Variants in C4orf50 observed in about 807,000 individuals in gnomAD.
C4orf50 encodes uncharacterized protein C4orf50.
Under a neutral mutation model 77.2 loss-of-function variants are expected in C4orf50, and 80 were observed. The observed-to-expected ratio is 1.04, with a 90% CI of 0.87 to 1.25. C4orf50 has a LOEUF of 1.25. C4orf50 is among the 50% of genes most tolerant of loss of function. C4orf50 has a pLI of 0.00. For synonymous variants in C4orf50, 532 were observed against 465.3 expected, an observed-to-expected ratio of 1.14 and a Z score of -1.84; for missense variants, 1,257 against 1,152.9, an observed-to-expected ratio of 1.09 and a Z score of -1.31.
intron 29 of C4orf50, among the ~76,000 whole-genome samples, chr4:5,976,507 G>A (rs1406444118): frequency 1.3e-5 from 2 of 151,336 alleles, no homozygotes; most frequent in Non-Finnish European, 2.9e-5. Flanking sequence ...CAGCTGCAGT[G>A]GCTGGGGCCA....
intron 25 of C4orf50, among the ~76,000 whole-genome samples, chr4:5,995,876 G>T (rs73196039): frequency 0.16 from 24,988 of 152,144 alleles, 2,324 homozygotes; most frequent in Non-Finnish European, 0.21. Context: ...AGTGAACAGG[G>T]AAGTGCCCTG....
chr4:5,969,896 C>T (rs545305103), intron 31 of C4orf50, among the ~76,000 whole-genome samples: 49 of 152,204 alleles, frequency 3.2e-4, no homozygotes, highest in Admixed American at 9.8e-4. Context: ...TGTTCTCTGA[C>T]GGGACCTTCC....
intron 7 of C4orf50, among the ~76,000 whole-genome samples, chr4:5,915,799 C>T (rs1717004338): frequency 1.3e-5 from 2 of 152,222 alleles, no homozygotes; most frequent in South Asian, 4.1e-4. Context: ...GCCTGACTCA[C>T]TCTTCCATCA....
intron 7 of C4orf50, among the ~76,000 whole-genome samples, chr4:5,923,846 T>C (rs1717393267): frequency 6.6e-6 from 1 of 152,124 alleles, no homozygotes; most frequent in African/African-American, 2.4e-5. Flanking sequence ...TTTGAGTCAG[T>C]GGGCTGGGAG....
In C4orf50 at chr4:5,989,519, G is replaced by A. The variant is rs774483182; in HGVS notation, c.2527C>T (p.Gln843Ter). The change falls in exon 28 of 34, where the codon CAG (glutamine) becomes TAG (stop). Residue 843 changes from glutamine (Q) to a stop codon, truncating the protein, a stop_gained. Coordinates refer to ENST00000531445, the Ensembl canonical transcript of C4orf50. LOFTEE classifies it high-confidence loss of function. ...CTCTCCCAGCCACTGTGCCACTTCTGAGCAAAGCTCCAGTTCTCTCCCCTA... is the reference window on the plus strand; with the variant it reads ...CTCTCCCAGCCACTGTGCCACTTCTAAGCAAAGCTCCAGTTCTCTCCCCTA... The A allele has an allele frequency of 6.5e-6, 10 of 1,536,038 alleles. No individual in the cohort carries two copies. The South Asian group carries it at 1.1e-4, about 16-fold the overall frequency.
chr4:5,969,769 C>A (rs188562506), intron 31 of C4orf50, among the ~76,000 whole-genome samples: 128 of 152,246 alleles, frequency 8.4e-4, no homozygotes, highest in Middle Eastern at 3.4e-3. Context: ...AGGGCAAGTG[C>A]CAAGTTCATG....
At chr4:6,004,352 CGGTGAT>C (rs1722123032) in intron 25 of C4orf50, among the ~76,000 whole-genome samples, 1 of 15,902 alleles carries the variant, frequency 6.3e-5, no homozygotes, top group African/African-American at 1.4e-4. Context: ...GTGATGATGA[CGGTGAT>C]GGTGATGATG....
At chr4:6,016,392 T>C (rs1281891419) in intron 23 of C4orf50, among the ~76,000 whole-genome samples, 1 of 151,988 alleles carries the variant, frequency 6.6e-6, no homozygotes, top group Non-Finnish European at 1.5e-5. Flanking sequence ...CTACTAAAAA[T>C]ACAAAAACTA....
chr4:5,998,868 G>T (rs1721710236), intron 25 of C4orf50, among the ~76,000 whole-genome samples: 1 of 152,238 alleles, frequency 6.6e-6, no homozygotes, highest in Non-Finnish European at 1.5e-5. Context: ...AACCACGTTT[G>T]TCTTGCCAAA....
intron 7 of C4orf50, chr4:5,899,066 C>T (rs898951326): frequency 3.0e-4 from 45 of 152,272 alleles, no homozygotes; most frequent in African/African-American, 1.1e-3. Flanking sequence ...TTAGGTCCAA[C>T]GTACAAATTA....
At chr4:5,914,781 G>C (rs1716963044) in intron 7 of C4orf50, among the ~76,000 whole-genome samples, 1 of 152,154 alleles carries the variant, frequency 6.6e-6, no homozygotes, top group African/African-American at 2.4e-5. Context: ...TAATAACCTT[G>C]AGCTTGTTTT....
exon 34 of C4orf50, chr4:5,957,811 T>C (rs919552248): frequency 9.9e-5 from 15 of 152,182 alleles, no homozygotes; most frequent in African/African-American, 3.6e-4. Flanking sequence ...GCTGCCTTTC[T>C]TACGTCTCAA....
At chr4:6,005,325 T>C (rs957954232) in intron 25 of C4orf50, among the ~76,000 whole-genome samples, 1 of 152,056 alleles carries the variant, frequency 6.6e-6, no homozygotes, top group Non-Finnish European at 1.5e-5. Context: ...CAGCCTAGAG[T>C]GCAGCCTTGA....
chr4:5,927,355 C>G (rs1184153630), intron 7 of C4orf50, among the ~76,000 whole-genome samples: 2 of 152,098 alleles, frequency 1.3e-5, no homozygotes, highest in Admixed American at 1.3e-4. Flanking sequence ...TTTCTAACCT[C>G]TCCCCCAAGC....
At chr4:5,924,657 G>A (rs1270473500) in intron 7 of C4orf50, among the ~76,000 whole-genome samples, 2 of 152,224 alleles carry the variant, frequency 1.3e-5, no homozygotes, top group Non-Finnish European at 2.9e-5. Flanking sequence ...CAGAGTGGCT[G>A]GCCGCCTCTC....
Position 5,980,257 on chromosome 4 carries a change from G to T in C4orf50, c.3781C>A (p.Gln1261Lys). Residue 1261 changes from glutamine (Q) to lysine (K), a missense_variant, in exon 29 of 34, where the codon CAG becomes AAG. By Grantham distance (53) the Gln-to-Lys change is moderately conservative (BLOSUM62 1). Transcript: ENST00000531445. ...GCGCCCTGGTCCCTGAGCTGGCACT[G>T]CAGGGTCAGCACCCGGTGATGGAGC... 3.7e-6 allele frequency: 6 copies of T among 1,612,704 alleles called. No homozygotes were observed. The East Asian group carries it at 1.3e-4, about 36-fold the overall frequency.
intron 33 of C4orf50, among the ~76,000 whole-genome samples, chr4:5,964,512 G>A (rs1386034642): frequency 6.6e-6 from 1 of 152,126 alleles, no homozygotes; most frequent in Non-Finnish European, 1.5e-5. Context: ...GCTCATGCCT[G>A]TAATCCCAGC....
chr4:6,003,664 GGTGATGGTGA>G (rs1721953239), intron 25 of C4orf50, among the ~76,000 whole-genome samples: 2 of 149,312 alleles, frequency 1.3e-5, no homozygotes, highest in Non-Finnish European at 3.0e-5. Flanking sequence ...TGGTGATGAT[GGTGATGGTGA>G]TGATAGTGAT....
In C4orf50 at chr4:6,000,042, G is replaced by A. The variant is rs111458250; in HGVS notation, c.964-5566C>T. Among the ~76,000 whole-genome samples, 1,508 of 152,100 alleles carry A rather than the reference G, an allele frequency of 9.9e-3. 24 individuals carry two copies. Among genetic ancestry groups the A allele is most frequent in the African/African-American group, 0.035 (1,441 of 41,496 alleles). On this transcript the variant is annotated intron_variant, in intron 25 of 33. Coordinates refer to ENST00000531445, the Ensembl canonical transcript of C4orf50. This position sits in a 1 kb window ranked among gnomAD's most constrained non-coding sequence, Gnocchi z 6.0. ...ATAGGAGGTTGAACTTGATCCTGAG[G>A]CCGTGGGCAGCCATGGTGGGGTGCT...
Sources: gnomAD v4.1 joint callset for allele counts (sites outside exome capture counted in the v4.1 genomes callset) on GRCh38, gnomAD v4.1.1 for gene constraint, Gnocchi (gnomAD v3.1) non-coding constraint, MANE v1.5 for transcripts, NCBI Gene and HGNC (gene_info 2026-07-23, HGNC 2026-07-21) for gene names.